The following CFAP47 variants were observed in gnomAD, a reference collection of about 807,000 sequenced individuals.
The protein encoded by CFAP47 is cilia and flagella associated protein 47.
CFAP47 carries 29 observed loss-of-function variants against 148.1 expected under a neutral mutation model. That is an observed-to-expected ratio of 0.20 (90% CI 0.15 to 0.27). The LOEUF is 0.27. Ranked by LOEUF, CFAP47 falls within the 10% of genes least tolerant of loss-of-function variation. The pLI is 1.00. For missense variants in CFAP47, 1,872 were observed against 1,697.5 expected, an observed-to-expected ratio of 1.10 and a Z score of -1.81; for synonymous variants, 664 against 577.3, an observed-to-expected ratio of 1.15 and a Z score of -2.15.
intron 44 of CFAP47, among the ~76,000 whole-genome samples, chrX:36,203,970 G>T (rs1940010217): frequency 9.0e-6 from 1 of 111,716 alleles, no homozygotes; most frequent in African/African-American, 3.3e-5. Flanking sequence ...GAAATAGGAG[G>T]CCTCAGTCTG....
intron 30 of CFAP47, among the ~76,000 whole-genome samples, chrX:36,098,216 G>A (rs1380571767): frequency 1.1e-4 from 12 of 111,256 alleles, no homozygotes; most frequent in Middle Eastern, 4.6e-3. Flanking sequence ...CCTTCTCCAC[G>A]TTATGTTGAA....
intron 37 of CFAP47, among the ~76,000 whole-genome samples, chrX:36,156,010 A>G (rs1939362579): frequency 9.0e-6 from 1 of 111,469 alleles, no homozygotes; most frequent in African/African-American, 3.3e-5. Flanking sequence ...TGAGGAAACC[A>G]AGGAAGGGTT....
At chrX:35,924,305 G>A (rs1329408930) in intron 1 of CFAP47, among the ~76,000 whole-genome samples, 1 of 104,873 alleles carries the variant, frequency 9.5e-6, no homozygotes, top group Non-Finnish European at 1.9e-5. Flanking sequence ...GTACACATAT[G>A]TATATATGTA....
chrX:36,069,675 G>A (rs1458111028), intron 27 of CFAP47, among the ~76,000 whole-genome samples: 1 of 110,886 alleles, frequency 9.0e-6, no homozygotes, highest in Non-Finnish European at 1.9e-5. Context: ...TGAGTTAGAT[G>A]CCCTTATATA....
Position 36,149,236 on chromosome X carries a change from T to C in CFAP47, c.5786+13T>C, listed in dbSNP as rs776208383. ...CAATTTCTCCAAGGTAAGTATTTTT[T>C]TTAATTTTACATTATCAGACATATC... On this transcript the variant is annotated intron_variant, in intron 37 of 63. Transcript: ENST00000378653. The C allele has an allele frequency of 1.0e-5, 3 of 290,679 alleles. No individual in the cohort carries two copies. The highest frequency in any genetic ancestry group is 8.3e-5 in the African/African-American group (3 of 36,016). The allele number at this position is 290,679 out of a possible 1,213,427, so 24.0% of individuals were successfully genotyped here. A position where few individuals can be genotyped will look rare whatever the true frequency, so the allele number is the denominator to read the frequency against.
intron 22 of CFAP47, among the ~76,000 whole-genome samples, chrX:36,021,148 T>A (rs1425312065): frequency 8.9e-6 from 1 of 111,775 alleles, no homozygotes; most frequent in Non-Finnish European, 1.9e-5. Flanking sequence ...CTCTGCTTTT[T>A]AACTTTTTGT....
intron 33 of CFAP47, among the ~76,000 whole-genome samples, chrX:36,125,354 G>A (rs1448565729): frequency 9.0e-6 from 1 of 110,745 alleles, no homozygotes; most frequent in Non-Finnish European, 1.9e-5. Context: ...CAGCTGCATC[G>A]GCCCTGGAAA....
intron 30 of CFAP47, among the ~76,000 whole-genome samples, chrX:36,089,677 T>G (rs1462896621): frequency 9.0e-6 from 1 of 111,653 alleles, no homozygotes; most frequent in Non-Finnish European, 1.9e-5. Flanking sequence ...GATAATTCCA[T>G]AACTAACTTG....
intron 57 of CFAP47, among the ~76,000 whole-genome samples, chrX:36,321,209 G>T (rs1556011943): frequency 1.8e-5 from 2 of 111,965 alleles, no homozygotes; most frequent in African/African-American, 6.5e-5. Context: ...AAAAGAGAGA[G>T]AGAGAGATAC....
chrX:36,054,874 G>C (rs1044045627), intron 26 of CFAP47, among the ~76,000 whole-genome samples: 1 of 110,018 alleles, frequency 9.1e-6, no homozygotes, highest in African/African-American at 3.3e-5. Context: ...CCGGGTTCAC[G>C]CCATTCTCCT....
chrX:36,053,271 G>A (rs1057081707), intron 26 of CFAP47, among the ~76,000 whole-genome samples: 4 of 111,581 alleles, frequency 3.6e-5, no homozygotes, highest in Non-Finnish European at 7.5e-5. Context: ...GAATTACTAA[G>A]GATAGATTCA....
intron 9 of CFAP47, 88 bp downstream of exon 9, chrX:35,966,842 C>T (rs1936415110): frequency 3.1e-6 from 2 of 653,788 alleles, no homozygotes; most frequent in Admixed American, 4.0e-5. Context: ...TAATTACACA[C>T]GCACATATAT....
At chrX:36,214,992 C>A (rs1940143979) in intron 45 of CFAP47, among the ~76,000 whole-genome samples, 1 of 111,138 alleles carries the variant, frequency 9.0e-6, no homozygotes, top group Admixed American at 9.6e-5. Flanking sequence ...AATTTATTAC[C>A]ATAAAGTTTT....
chrX:36,378,609 G>A (rs949411060), intron 62 of CFAP47, among the ~76,000 whole-genome samples: 3 of 111,257 alleles, frequency 2.7e-5, no homozygotes, highest in Non-Finnish European at 5.7e-5. Flanking sequence ...GTGCTATCTC[G>A]GCTTACTGCA....
intron 1 of CFAP47, among the ~76,000 whole-genome samples, chrX:35,923,774 T>C (rs1366119670): frequency 1.9e-5 from 2 of 106,590 alleles, no homozygotes; most frequent in African/African-American, 6.9e-5. Context: ...GAGCTGAGAT[T>C]GCACCACTGC....
chrX:36,301,145 A>G lies in CFAP47; in HGVS notation c.7936A>G (p.Thr2646Ala). The G allele has an allele frequency of 8.7e-7, 1 of 1,154,617 alleles. No homozygotes were observed. Among genetic ancestry groups the G allele is most frequent in the South Asian group, 1.9e-5 (1 of 51,915 alleles). ...LKLTIELPKP[T>A]TMPEIQCDLG... is the part of the protein sequence containing the mutation. ...GTTAACTATTGAATTACCAAAACCA[A>G]CCACAATGCCAGAAATACAGTGCGA... Residue 2646 changes from threonine (T) to alanine (A), a missense_variant, in exon 53 of 64, where the codon ACC (threonine) becomes GCC (alanine). Physicochemically the swap from Thr to Ala is moderately conservative, Grantham distance 58 (BLOSUM62 0). Transcript: ENST00000378653.
intron 22 of CFAP47, 140 bp from the exon 23 acceptor site, chrX:36,031,113 T>G: frequency 4.0e-6 from 1 of 252,563 alleles, no homozygotes. Context: ...AAATGTTATT[T>G]TATTTTCTGG....
intron 21 of CFAP47, among the ~76,000 whole-genome samples, chrX:36,006,420 A>C (rs1047871979): frequency 6.3e-5 from 7 of 111,805 alleles, no homozygotes; most frequent in South Asian, 3.7e-4. Context: ...CAGAGACAGC[A>C]CACCCTTTGA....
At chrX:36,246,984 T>C (rs1217234720) in intron 48 of CFAP47, among the ~76,000 whole-genome samples, 2 of 111,450 alleles carry the variant, frequency 1.8e-5, no homozygotes, top group African/African-American at 6.5e-5. Flanking sequence ...CATATGTTCA[T>C]TGCAGTACTA....
Sources: allele counts gnomAD v4.1 joint callset (sites outside exome capture counted in the v4.1 genomes callset), GRCh38; gene constraint gnomAD v4.1.1; transcripts MANE v1.5; gene names NCBI Gene and HGNC (gene_info 2026-07-23, HGNC 2026-07-21).